Variants in ARNT2 observed in about 807,000 individuals in gnomAD.
ARNT2 encodes aryl hydrocarbon receptor nuclear translocator 2, also known as ARNT protein 2.
Under a neutral mutation model 91.7 loss-of-function variants are expected in ARNT2, and 36 were observed. That is an observed-to-expected ratio of 0.39 (90% CI 0.30 to 0.52). The LOEUF (loss-of-function observed/expected upper bound fraction) is 0.52. Ranked by LOEUF, ARNT2 falls within the 20% of genes least tolerant of loss-of-function variation. ARNT2 has a pLI of 0.72. For synonymous variants in ARNT2, 365 were observed against 347.1 expected (o/e 1.05, Z -0.57); for missense variants, 775 against 939.3 (o/e 0.83, Z 2.29).
At chr15:80,471,485 G>A (rs1465172000) in intron 4 of ARNT2, among the ~76,000 whole-genome samples, 1 of 152,106 alleles carries the variant, frequency 6.6e-6, no homozygotes, top group Non-Finnish European at 1.5e-5. Context: ...CGTGACATGA[G>A]TTTACTCCCT....
intron 3 of ARNT2, 28 bp from the exon 4 acceptor site, chr15:80,470,190 C>G: frequency 6.4e-7 from 1 of 1,568,984 alleles, no homozygotes; most frequent in Non-Finnish European, 8.7e-7. Flanking sequence ...TTTTTTCCCC[C>G]TCTCCTGATC....
Position 80,404,486 on chromosome 15 carries a change from C to G in ARNT2, c.-30C>G. 8.1e-7 allele frequency: 1 copy of G among 1,227,958 alleles called. No homozygotes were observed. Among genetic ancestry groups the G allele is most frequent in the Non-Finnish European group, 1.0e-6 (1 of 965,668 alleles). 76.1% of individuals were successfully genotyped at this position (1,227,958 alleles called of 1,614,324 possible). A position where few individuals can be genotyped will look rare whatever the true frequency, so the allele number is the denominator to read the frequency against. On this transcript the variant is annotated 5_prime_UTR_variant, in exon 1 of 19. Coordinates refer to ENST00000303329, the MANE Select transcript of ARNT2 (RefSeq NM_014862.4). The surrounding 1 kb of genome is among the most constrained non-coding windows in gnomAD (Gnocchi z 5.5). ...CCGCGCCGCCCCTCCCGCGCCCCTG[C>G]CAAGCGGGCGCCTATCCTCTCCGAG...
intron 5 of ARNT2, among the ~76,000 whole-genome samples, chr15:80,477,964 G>GA (rs1896831914): frequency 6.6e-6 from 1 of 152,192 alleles, no homozygotes; most frequent in South Asian, 2.1e-4. Context: ...AAGGTGTAAA[G>GA]ACAGTGTCTT....
chr15:80,565,372 G>T (rs1279640040), intron 12 of ARNT2, among the ~76,000 whole-genome samples: 1 of 152,158 alleles, frequency 6.6e-6, no homozygotes, highest in East Asian at 1.9e-4. Context: ...ACCCAGTAAT[G>T]CAGTAATGGG....
chr15:80,595,797 G>A lies in ARNT2; in HGVS notation c.*2099G>A, dbSNP rs1270489607. Reference sequence around the variant, plus strand: ...ATCCTCCCAGGGCCAGCCCCAGAATGGGCCTTTCTCTGCCTGCCCTGCCCT... The same window carrying A: ...ATCCTCCCAGGGCCAGCCCCAGAATAGGCCTTTCTCTGCCTGCCCTGCCCT... On this transcript the variant is annotated 3_prime_UTR_variant, in exon 19 of 19. Coordinates refer to ENST00000303329, the MANE Select transcript of ARNT2 (RefSeq NM_014862.4). The A allele has an allele frequency of 6.6e-6, 1 of 152,216 alleles. No individual in the cohort carries two copies. The allele number at this position is 152,216 out of a possible 1,614,324, so 9.4% of individuals were successfully genotyped here. A position where few individuals can be genotyped will look rare whatever the true frequency, so the allele number is the denominator to read the frequency against.
At chr15:80,511,636 A>G (rs1167518163) in intron 6 of ARNT2, among the ~76,000 whole-genome samples, 1 of 152,138 alleles carries the variant, frequency 6.6e-6, no homozygotes, top group Non-Finnish European at 1.5e-5. Flanking sequence ...CTGGGGATTG[A>G]CATCAATAAA....
At chr15:80,469,826 G>C (rs950717434) in intron 3 of ARNT2, among the ~76,000 whole-genome samples, 4 of 152,180 alleles carry the variant, frequency 2.6e-5, no homozygotes, top group Non-Finnish European at 5.9e-5. Context: ...TGTTGGTCAG[G>C]CTGGTCTCAA....
chr15:80,509,013 T>G (rs375671173), intron 6 of ARNT2, among the ~76,000 whole-genome samples: 4 of 152,184 alleles, frequency 2.6e-5, no homozygotes, highest in African/African-American at 7.2e-5. Flanking sequence ...TGAGATTGTT[T>G]GGGCTGTGGA....
At position 80,491,796 on chromosome 15, in the gene ARNT2, CTTTTTTTTTTTTT is replaced by C. The variant is rs58958624; in HGVS notation, c.623-16347_623-16335del. Among the ~76,000 whole-genome samples the C allele has an allele frequency of 7.4e-3, 501 of 67,662 alleles. 10 individuals carry two copies. Among genetic ancestry groups the C allele is most frequent in the African/African-American group, 0.03 (478 of 15,828 alleles). The allele number at this position is 67,662 out of a possible 152,430, so 44.4% of individuals were successfully genotyped here. A position where few individuals can be genotyped will look rare whatever the true frequency, so the allele number is the denominator to read the frequency against. On this transcript the variant is annotated intron_variant, in intron 5 of 18. Transcript: ENST00000303329. ...ATCTCATTTACTTCTCAGGACAGGC[CTTTTTTTTTTTTT>C]TTTTTTTTTTTTAAGTATAGGCATA...
intron 1 of ARNT2, among the ~76,000 whole-genome samples, chr15:80,406,773 T>G (rs1330930938): frequency 6.6e-6 from 1 of 152,218 alleles, no homozygotes; most frequent in African/African-American, 2.4e-5. Context: ...ACCAGAGATC[T>G]TCAGCATGGT....
At chr15:80,417,514 C>T (rs950289632) in intron 1 of ARNT2, among the ~76,000 whole-genome samples, 4 of 151,748 alleles carry the variant, frequency 2.6e-5, no homozygotes, top group African/African-American at 7.3e-5. Context: ...TCCCATCCCC[C>T]CTCTGCTTCT....
chr15:80,513,832 A>C lies in ARNT2; in HGVS notation c.726-79A>C. 3.2e-6 allele frequency: 4 copies of C among 1,234,828 alleles called. 1 individual carries two copies. In the South Asian group the frequency reaches 4.9e-5, roughly 15 times the overall value. The allele number at this position is 1,234,828 out of a possible 1,614,324, so 76.5% of individuals were successfully genotyped here. On this transcript the variant is annotated intron_variant, in intron 6 of 18. Transcript: ENST00000303329. ...AATGTGTAAGCATCAATTAAGGCTC[A>C]TCTACTTGATGGCAGCACCATATAT...
At position 80,551,196 on chromosome 15, in the gene ARNT2, C is replaced by A; in HGVS notation, c.878-3C>A. The A allele has an allele frequency of 6.2e-7, 1 of 1,613,410 alleles. No individual in the cohort carries two copies. Among genetic ancestry groups the A allele is most frequent in the South Asian group, 1.1e-5 (1 of 91,032 alleles). On this transcript the variant is annotated splice_region_variant and splice_polypyrimidine_tract_variant and intron_variant, in intron 8 of 18. Transcript: ENST00000303329. ...TTGATGACACAGGTATTTCCCATTT[C>A]AGGAATGACCATACCTGAAGAAGAC...
intron 5 of ARNT2, among the ~76,000 whole-genome samples, chr15:80,484,593 CTGTT>C (rs1297384689): frequency 6.6e-6 from 1 of 152,352 alleles, no homozygotes; most frequent in Admixed American, 6.5e-5. Flanking sequence ...TGCTGCTGAA[CTGTT>C]TGTGTTTTTT....
At chr15:80,446,546 G>C (rs938006565) in intron 1 of ARNT2, among the ~76,000 whole-genome samples, 3 of 152,170 alleles carry the variant, frequency 2.0e-5, no homozygotes, top group African/African-American at 7.2e-5. Context: ...CCTCCGCCTG[G>C]GCACCACAAG....
intron 5 of ARNT2, among the ~76,000 whole-genome samples, chr15:80,494,759 G>A (rs1897103068): frequency 6.6e-6 from 1 of 152,172 alleles, no homozygotes; most frequent in Non-Finnish European, 1.5e-5. Context: ...GGTGGGAGAG[G>A]TGGTATGGCC....
At chr15:80,572,427 C>T (rs1220429496) in intron 12 of ARNT2, among the ~76,000 whole-genome samples, 1 of 151,832 alleles carries the variant, frequency 6.6e-6, no homozygotes. Context: ...GCTGGTCTAC[C>T]TTCCACACCT....
At chr15:80,523,591 C>A (rs1446642365) in intron 8 of ARNT2, among the ~76,000 whole-genome samples, 1 of 152,316 alleles carries the variant, frequency 6.6e-6, no homozygotes, top group African/African-American at 2.4e-5. Context: ...GCAAATTTCT[C>A]TTCCTGCTTC....
chr15:80,559,414 G>A (rs12441241), intron 11 of ARNT2, among the ~76,000 whole-genome samples: 3,036 of 152,286 alleles, frequency 0.02, 63 homozygotes, highest in East Asian at 0.1. Context: ...ACCGCACCTC[G>A]GCCCCGTGCT....
Sources: allele counts gnomAD v4.1 joint callset (sites outside exome capture counted in the v4.1 genomes callset), GRCh38; gene constraint gnomAD v4.1.1; non-coding constraint Gnocchi (gnomAD v3.1); transcripts MANE v1.5; gene names NCBI Gene and HGNC (gene_info 2026-07-23, HGNC 2026-07-21).